FAM9C: variants seen among roughly 807,000 people sequenced by gnomAD.
The protein encoded by FAM9C is protein FAM9C.
Under a neutral mutation model 14.8 loss-of-function variants are expected in FAM9C, and 15 were observed. The observed-to-expected ratio is 1.02, with a 90% confidence interval of 0.68 to 1.56. The LOEUF is 1.56. FAM9C is among the 40% of genes most tolerant of loss of function. The pLI is 0.00. For missense variants in FAM9C, 116 were observed against 118.0 expected (o/e 0.98, Z 0.08); for synonymous variants, 45 against 37.5 (o/e 1.20, Z -0.74).
chrX:13,038,431 G>A lies in FAM9C; in HGVS notation c.*10C>T, dbSNP rs148153694. On this transcript the variant is annotated 3_prime_UTR_variant, in exon 7 of 8. Transcript: ENST00000380625. The stretch of plus-strand genomic sequence containing the variant: ...TAGAACAGACCTTTGTGAATTGCTC[G>A]TGTGGTGGCTCAATCTCTTTCAGTT... 2,846 of 1,196,814 alleles carry A rather than the reference G, an allele frequency of 2.4e-3. 42 individuals are homozygous for A. The African/African-American group carries it at 0.04, about 17-fold the overall frequency.
At chrX:13,037,602 A>G (rs2043489950) in intron 7 of FAM9C, 1 of 113,035 alleles carries the variant, frequency 8.8e-6, no homozygotes, top group Non-Finnish European at 1.9e-5. Context: ...CAGTTTATTT[A>G]ACACATCTCA....
rs760589548 is a variant in FAM9C at position 13,039,787 on chromosome X, A to G, written c.438+21T>C. 8 of 1,186,423 alleles carry G rather than the reference A, an allele frequency of 6.7e-6. No homozygotes were observed. In the East Asian group the frequency reaches 2.1e-4, roughly 31 times the overall value. On this transcript the variant is annotated intron_variant, in intron 6 of 7. Transcript: ENST00000380625. ...GACATTGATACAATAGGTTAATCAT[A>G]AAGCTAAGCCTGATACCAACAATTT... is the stretch of plus-strand genomic sequence containing the variant.
intron 7 of FAM9C, 67 bp downstream of exon 7, chrX:13,038,349 T>C (rs1227995396): frequency 2.3e-6 from 2 of 868,983 alleles, no homozygotes; most frequent in Non-Finnish European, 3.1e-6. Flanking sequence ...AACAAGCAGA[T>C]TGTCTTCTAT....
chrX:13,042,956 C>A lies in FAM9C; in HGVS notation c.183-7G>T. On this transcript the variant is annotated splice_polypyrimidine_tract_variant and splice_region_variant and intron_variant, in intron 3 of 7. Coordinates refer to ENST00000380625, the MANE Select transcript of FAM9C (RefSeq NM_174901.6). ...TAGCTCCTTGGTATCAACCCTGTAACAAAAAGTTGCAACACAATTTTAACA... is the reference window on the plus strand; with the variant it reads ...TAGCTCCTTGGTATCAACCCTGTAAAAAAAAGTTGCAACACAATTTTAACA... 8.5e-7 allele frequency: 1 copy of A among 1,182,049 alleles called. No homozygotes were observed. The highest frequency in any genetic ancestry group is 1.1e-6 in the Non-Finnish European group (1 of 883,370).
chrX:13,036,799 G>A (rs1235222702), intron 7 of FAM9C: 1 of 111,521 alleles, frequency 9.0e-6, no homozygotes, highest in African/African-American at 3.3e-5. Flanking sequence ...GAGCAAATAT[G>A]CACGAATAAA....
At chrX:13,039,631 T>G (rs1483769838) in intron 6 of FAM9C, among the ~76,000 whole-genome samples, 177 bp downstream of exon 6, 1 of 112,218 alleles carries the variant, frequency 8.9e-6, no homozygotes, top group Non-Finnish European at 1.9e-5. Context: ...TGATGCTGAC[T>G]TCAGTTGGAC....
Position 13,043,229 on chromosome X carries a change from A to G in FAM9C, c.81T>C (p.His27=), listed in dbSNP as rs1169484762. ...MELAGKDPVS[H]EHEERKPVTE... ...TAACAGGTTTTCTTTCCTCATGCTCATGACTTACTGGATCCTTTCCTGCAT... is the reference window on the plus strand; with the variant it reads ...TAACAGGTTTTCTTTCCTCATGCTCGTGACTTACTGGATCCTTTCCTGCAT... The change falls in exon 3 of 8, where the codon CAT becomes CAC. Residue 27 remains histidine, a synonymous_variant. Coordinates refer to ENST00000380625, the MANE Select transcript of FAM9C (RefSeq NM_174901.6). 2 of 1,206,142 alleles carry G rather than the reference A, an allele frequency of 1.7e-6. No homozygotes were observed. Among genetic ancestry groups the G allele is most frequent in the Admixed American group, 2.2e-5 (1 of 44,972 alleles).
chrX:13,043,134 T>A lies in FAM9C; in HGVS notation c.176A>T (p.His59Leu). ...ERGSFAETDE[H>L]TGVDTKELED... is the part of the protein sequence containing the mutation. ...AGGGACTTAAACACTTTACCCCGTG[T>A]GTTCATCTGTTTCAGCAAAAGATCC... The change falls in exon 3 of 8, where the codon CAC becomes CTC. Residue 59 changes from histidine to leucine, a missense_variant. Coordinates refer to ENST00000380625, the MANE Select transcript of FAM9C (RefSeq NM_174901.6). The A allele has an allele frequency of 1.7e-6, 2 of 1,207,720 alleles. No individual in the cohort carries two copies. The highest frequency in any genetic ancestry group is 1.8e-5 in the South Asian group (1 of 55,691).
At chrX:13,042,823 G>T in intron 4 of FAM9C, 95 bp downstream of exon 4, 1 of 940,920 alleles carries the variant, frequency 1.1e-6, no homozygotes, top group Non-Finnish European at 1.5e-6. Context: ...AGGCATTTAA[G>T]ACAGTCTTGT....
Position 13,039,858 on chromosome X carries a change from T to C in FAM9C, c.388A>G (p.Thr130Ala). The change falls in exon 6 of 8, where the codon ACA (threonine) becomes GCA (alanine). Residue 130 changes from threonine (T) to alanine (A), a missense_variant. Physicochemically the swap from Thr to Ala is moderately conservative, Grantham distance 58. Transcript: ENST00000380625. ...KLPNVLEEFI[T>A]DEQKDEEGDG... Reference sequence around the variant, plus strand: ...CCTTCCTCATCTTTCTGCTCATCTGTGATGAACTCTTCAAGGACATTCGGC... The same window carrying C: ...CCTTCCTCATCTTTCTGCTCATCTGCGATGAACTCTTCAAGGACATTCGGC... 2.5e-6 allele frequency: 3 copies of C among 1,208,003 alleles called. No individual in the cohort carries two copies. In the East Asian group the frequency reaches 8.9e-5, roughly 36 times the overall value.
chrX:13,040,293 C>T (rs918273189), intron 5 of FAM9C: 9 of 751,274 alleles, frequency 1.2e-5, no homozygotes, highest in East Asian at 1.5e-4. Flanking sequence ...TAAGATTTCC[C>T]GAAAGAAATA....
In FAM9C at chrX:13,044,171, A is replaced by G. The variant is rs1280045005; in HGVS notation, c.-68-314T>C. ...GGGGTGACACAGGATCTCCCCAGCCATCTCCATGGGAATGAGCCGGTACGC... is the reference window on the plus strand; with the variant it reads ...GGGGTGACACAGGATCTCCCCAGCCGTCTCCATGGGAATGAGCCGGTACGC... On this transcript the variant is annotated intron_variant, in intron 1 of 7. Coordinates refer to ENST00000380625, the MANE Select transcript of FAM9C (RefSeq NM_174901.6). 3.6e-5 allele frequency among the ~76,000 whole-genome samples: 4 copies of G among 111,927 alleles called. No individual in the cohort carries two copies. In the East Asian group the frequency reaches 8.5e-4, roughly 24 times the overall value.
intron 4 of FAM9C, 131 bp downstream of exon 4, chrX:13,042,787 T>C: frequency 1.5e-6 from 1 of 686,229 alleles, no homozygotes; most frequent in Non-Finnish European, 2.3e-6. Flanking sequence ...TTAAACAGAT[T>C]ACATTAAATG....
rs2043550079 is a variant in FAM9C, at chrX:13,043,731, G to A, written c.59C>T (p.Ala20Val). Reference sequence around the variant, plus strand: ...AGGTCCCCTTGGGCTGTGTTTACCTGCAAGCTCCATTTCCTGGGCGGCCAT... The same window carrying A: ...AGGTCCCCTTGGGCTGTGTTTACCTACAAGCTCCATTTCCTGGGCGGCCAT... ...QVMAAQEMELAGKDPVSHEHE... is the reference protein window; with the variant it reads ...QVMAAQEMELVGKDPVSHEHE... The change falls in exon 2 of 8, where the codon GCA becomes GTA. Residue 20 changes from alanine (A) to valine (V), a missense_variant and splice_region_variant. Transcript: ENST00000380625. The A allele has an allele frequency of 8.3e-7, 1 of 1,211,875 alleles. No individual in the cohort carries two copies. Among genetic ancestry groups the A allele is most frequent in the Non-Finnish European group, 1.1e-6 (1 of 895,295 alleles).
rs772302647 is a variant in FAM9C, at chrX:13,044,320, G to GA, written c.-69+219dup. On this transcript the variant is annotated intron_variant, in intron 1 of 7. Coordinates refer to ENST00000380625, the MANE Select transcript of FAM9C (RefSeq NM_174901.6). The stretch of plus-strand genomic sequence containing the variant: ...CAAGACGGACCCACGTTGACCCCCC[G>GA]ACCCCCCCCCAAACGCTGCACACAT... 1.7e-4 allele frequency among the ~76,000 whole-genome samples: 9 copies of GA among 52,497 alleles called. 1 individual carries two copies. The highest frequency in any genetic ancestry group is 6.0e-4 in the African/African-American group (9 of 14,898). The allele number at this position is 52,497 out of a possible 115,157, so 45.6% of individuals were successfully genotyped here.
chrX:13,037,252 G>C (rs1399224459), intron 7 of FAM9C: 2 of 112,067 alleles, frequency 1.8e-5, no homozygotes, highest in East Asian at 5.6e-4. Context: ...TACAAGCAAG[G>C]AAGAATGAGT....
chrX:13,040,026 G>A, intron 5 of FAM9C, 110 bp from the exon 6 acceptor site: 1 of 629,528 alleles, frequency 1.6e-6, no homozygotes, highest in Non-Finnish European at 2.3e-6. Context: ...TAGCAAGGGA[G>A]TAATAGCAGC....
At chrX:13,038,579 T>C in intron 6 of FAM9C, 76 bp from the exon 7 acceptor site, 1 of 904,297 alleles carries the variant, frequency 1.1e-6, no homozygotes, top group Non-Finnish European at 1.5e-6. Context: ...ATTAAAGAAA[T>C]ACTCTTTAAA....
Position 13,040,823 on chromosome X carries a change from A to C in FAM9C, c.264T>G (p.Ile88Met). The stretch of plus-strand genomic sequence containing the variant: ...TCTTTATTTCGCTGCAAGCTTTTGC[A>C]ATCTTTTCAATCCTTTTTCTCTTTG... ...LAAKRKRIEK[I>M]AKACSEIKNR... The change falls in exon 5 of 8, where the codon ATT (isoleucine) becomes ATG (methionine). Residue 88 changes from isoleucine (I) to methionine (M), a missense_variant. By Grantham distance (10) the Ile-to-Met change is conservative. Coordinates refer to ENST00000380625, the MANE Select transcript of FAM9C (RefSeq NM_174901.6). 4.2e-6 allele frequency: 5 copies of C among 1,193,970 alleles called. No homozygotes were observed. Among genetic ancestry groups the C allele is most frequent in the Non-Finnish European group, 5.6e-6 (5 of 887,478 alleles).
Sources: gnomAD v4.1 joint callset for allele counts (sites outside exome capture counted in the v4.1 genomes callset) on GRCh38, gnomAD v4.1.1 for gene constraint, MANE v1.5 for transcripts, NCBI Gene and HGNC (gene_info 2026-07-23, HGNC 2026-07-21) for gene names.